The following CNTNAP2 variants were observed in gnomAD, a reference collection of about 807,000 sequenced individuals.
CNTNAP2 encodes contactin-associated protein-like 2.
CNTNAP2 carries 98 observed loss-of-function variants against 155.2 expected under a neutral mutation model. That is an observed-to-expected ratio of 0.63 (90% CI 0.54 to 0.75). The LOEUF (loss-of-function observed/expected upper bound fraction) is 0.75. Among genes scored for constraint, CNTNAP2 ranks in the 30% least tolerant of loss-of-function variants. The pLI is 0.00. For missense variants in CNTNAP2, 1,727 were observed against 1,688.1 expected, an observed-to-expected ratio of 1.02 and a Z score of -0.40; for synonymous variants, 651 against 631.2, an observed-to-expected ratio of 1.03 and a Z score of -0.47.
intron 3 of CNTNAP2, among the ~76,000 whole-genome samples, chr7:147,042,918 A>C (rs140750250): frequency 6.6e-5 from 10 of 152,158 alleles, no homozygotes; most frequent in Non-Finnish European, 1.2e-4. Flanking sequence ...CTTCTAAAAG[A>C]TAATGCTAAA....
intron 1 of CNTNAP2, among the ~76,000 whole-genome samples, chr7:146,522,311 A>G (rs1797627618): frequency 6.6e-6 from 1 of 152,086 alleles, no homozygotes; most frequent in African/African-American, 2.4e-5. Flanking sequence ...GCTGGAGACA[A>G]AACTATCAAA....
chr7:147,471,806 A>T (rs968738953), intron 10 of CNTNAP2, among the ~76,000 whole-genome samples: 7 of 152,234 alleles, frequency 4.6e-5, no homozygotes, highest in African/African-American at 1.7e-4. Context: ...AAGACTGACA[A>T]TGAACCCGAG....
At position 148,267,084 on chromosome 7, in the gene CNTNAP2, C is replaced by T. The variant is rs1284175785; in HGVS notation, c.3433C>T (p.Leu1145Phe). 6 of 1,614,062 alleles carry T rather than the reference C, an allele frequency of 3.7e-6. No individual in the cohort carries two copies. Among genetic ancestry groups the T allele is most frequent in the African/African-American group, 1.3e-5 (1 of 74,930 alleles). The change falls in exon 21 of 24, where the codon CTC becomes TTC. Residue 1145 changes from leucine (L) to phenylalanine (F), a missense_variant. Leu to Phe is a conservative substitution (Grantham distance 22). Transcript: ENST00000361727. ...SYHLPSSSDT[L>F]FNSPKSLFLG... ...CCATCTGCCAAGTTCATCCGACACC[C>T]TCTTCAATTCTCCCAAGTCGCTCTT... is the stretch of plus-strand genomic sequence containing the variant.
intron 1 of CNTNAP2, among the ~76,000 whole-genome samples, chr7:146,246,852 T>C (rs1270994066): frequency 6.6e-6 from 1 of 152,180 alleles, no homozygotes; most frequent in Non-Finnish European, 1.5e-5. Context: ...AGCAAGCTCC[T>C]GGGGGAGGAG....
chr7:147,194,119 C>G (rs933013360), intron 8 of CNTNAP2, among the ~76,000 whole-genome samples: 10 of 147,654 alleles, frequency 6.8e-5, no homozygotes, highest in Non-Finnish European at 1.5e-4. Context: ...GTGTGATGTT[C>G]CCCTCCGTGT....
Position 148,383,683 on chromosome 7 carries a change from C to G in CNTNAP2, c.3510C>G (p.Tyr1170Ter). 1.2e-6 allele frequency: 2 copies of G among 1,614,136 alleles called. No individual in the cohort carries two copies. Among genetic ancestry groups the G allele is most frequent in the Non-Finnish European group, 8.5e-7 (1 of 1,180,030 alleles). The stretch of plus-strand genomic sequence containing the variant: ...AAATTGACCAAGAGATTCACAAATA[C>G]AACACCCCAGGATTCACTGGTTGCC... ...TGKIDQEIHK[Y>*]NTPGFTGCLS... is the part of the protein sequence containing the mutation. Residue 1170 changes from tyrosine to a stop codon, truncating the protein, a stop_gained, in exon 22 of 24, where the codon TAC becomes TAG. Coordinates refer to ENST00000361727, the MANE Select transcript of CNTNAP2 (RefSeq NM_014141.6). LOFTEE classifies it high-confidence loss of function.
chr7:146,459,926 G>T (rs905866929), intron 1 of CNTNAP2, among the ~76,000 whole-genome samples: 1 of 151,994 alleles, frequency 6.6e-6, no homozygotes, highest in African/African-American at 2.4e-5. Flanking sequence ...GCCAAGTTCA[G>T]GCCATTGCAC....
intron 21 of CNTNAP2, among the ~76,000 whole-genome samples, chr7:148,286,710 CTT>C (rs1464547537): frequency 6.6e-6 from 1 of 152,138 alleles, no homozygotes; most frequent in East Asian, 1.9e-4. Flanking sequence ...AACAAAGTGA[CTT>C]AGCCTTGCAA....
rs138609784 is a variant in CNTNAP2 at position 148,005,335 on chromosome 7, C to G, written c.2383+27346C>G. The stretch of plus-strand genomic sequence containing the variant: ...AGACCTAATAATCCCCAAAGGCCCC[C>G]CTTCTCATGCCATTACATTGGTGAT... On this transcript the variant is annotated intron_variant, in intron 15 of 23. Coordinates refer to ENST00000361727, the MANE Select transcript of CNTNAP2 (RefSeq NM_014141.6). Among the ~76,000 whole-genome samples, 829 of 152,264 alleles carry G rather than the reference C, an allele frequency of 5.4e-3. 21 individuals carry two copies. Among genetic ancestry groups the G allele is most frequent in the Admixed American group, 0.047 (716 of 15,290 alleles).
chr7:147,255,594 A>G (rs1490886959), intron 8 of CNTNAP2, among the ~76,000 whole-genome samples: 1 of 152,026 alleles, frequency 6.6e-6, no homozygotes, highest in African/African-American at 2.4e-5. Context: ...CTCTTATTCT[A>G]TAATTTTGCA....
intron 1 of CNTNAP2, among the ~76,000 whole-genome samples, chr7:146,694,770 G>C (rs1383189174): frequency 6.6e-6 from 1 of 152,070 alleles, no homozygotes; most frequent in Non-Finnish European, 1.5e-5. Flanking sequence ...ATTTAATGTA[G>C]TTAACATTTT....
Position 147,832,171 on chromosome 7 carries a change from CATTTAATTAAATTATACATTTAATTAT to C in CNTNAP2, c.2099-71391_2099-71365del, listed in dbSNP as rs1798558861. 1.5e-4 allele frequency among the ~76,000 whole-genome samples: 10 copies of C among 66,140 alleles called. 1 individual carries two copies. The allele number at this position is 66,140 out of a possible 152,430, so 43.4% of individuals were successfully genotyped here. On this transcript the variant is annotated intron_variant, in intron 13 of 23. Coordinates refer to ENST00000361727, the MANE Select transcript of CNTNAP2 (RefSeq NM_014141.6). ...TAAATATATAATTTAATTATATAAA[CATTTAATTAAATTATACATTTAATTAT>C]ATAAACATTTAATTAAATTATACAT... is the stretch of plus-strand genomic sequence containing the variant.
In CNTNAP2 at chr7:148,104,178, A is replaced by C. The variant is rs1266047907; in HGVS notation, c.2384-13940A>C. 5.9e-5 allele frequency among the ~76,000 whole-genome samples: 9 copies of C among 152,108 alleles called. No individual in the cohort carries two copies. In the East Asian group the frequency reaches 1.7e-3, roughly 29 times the overall value. ...TCCTGCTCTCCCCTGAGACATGTGG[A>C]CTCTGTTACTGTTTTCAGCAGGAAA... On this transcript the variant is annotated intron_variant, in intron 15 of 23. Coordinates refer to ENST00000361727, the MANE Select transcript of CNTNAP2 (RefSeq NM_014141.6).
chr7:148,398,629 G>A (rs374795930), intron 22 of CNTNAP2, among the ~76,000 whole-genome samples: 24 of 152,126 alleles, frequency 1.6e-4, no homozygotes, highest in African/African-American at 4.3e-4. Flanking sequence ...AATAACATGC[G>A]CCTAAGTATT....
At chr7:147,033,189 T>C (rs931402976) in intron 3 of CNTNAP2, among the ~76,000 whole-genome samples, 2 of 85,462 alleles carry the variant, frequency 2.3e-5, no homozygotes, top group African/African-American at 8.2e-5. Context: ...TATATATATA[T>C]ATATATATAT....
intron 3 of CNTNAP2, among the ~76,000 whole-genome samples, chr7:146,903,743 T>G (rs1338096164): frequency 6.6e-6 from 1 of 152,102 alleles, no homozygotes; most frequent in Non-Finnish European, 1.5e-5. Context: ...AGAGAAGATA[T>G]TAATCAAAGG....
chr7:146,316,789 C>A (rs1393045738), intron 1 of CNTNAP2, among the ~76,000 whole-genome samples: 2 of 151,544 alleles, frequency 1.3e-5, no homozygotes, highest in East Asian at 1.9e-4. Context: ...AACTACTACT[C>A]CAATCACTGT....
At chr7:146,365,973 G>A (rs1176087493) in intron 1 of CNTNAP2, among the ~76,000 whole-genome samples, 6 of 152,052 alleles carry the variant, frequency 3.9e-5, no homozygotes, top group Non-Finnish European at 5.9e-5. Flanking sequence ...ACATTAAAAC[G>A]TGTATTGGCA....
intron 3 of CNTNAP2, among the ~76,000 whole-genome samples, chr7:146,930,510 C>T (rs1174380057): frequency 6.6e-6 from 1 of 152,150 alleles, no homozygotes; most frequent in Non-Finnish European, 1.5e-5. Context: ...ACCATCGATG[C>T]TAGGAAGAAA....
Sources: allele counts gnomAD v4.1 joint callset (sites outside exome capture counted in the v4.1 genomes callset), GRCh38; gene constraint gnomAD v4.1.1; transcripts MANE v1.5; gene names NCBI Gene and HGNC (gene_info 2026-07-23, HGNC 2026-07-21).